The following SDF2 variants were observed in gnomAD, a reference collection of about 807,000 sequenced individuals.
SDF2 encodes stromal cell-derived factor 2.
In SDF2, 12 loss-of-function variants were observed where a neutral mutation model predicts 20.5. The observed-to-expected ratio is 0.58, with a 90% CI of 0.37 to 0.95. The LOEUF is 0.95. Among genes scored for constraint, SDF2 ranks in the 40% least tolerant of loss-of-function variants. The pLI is 0.01. For missense variants in SDF2, 238 were observed against 263.1 expected, an observed-to-expected ratio of 0.90 and a Z score of 0.66; for synonymous variants, 100 against 101.0, an observed-to-expected ratio of 0.99 and a Z score of 0.06.
Position 28,661,722 on chromosome 17 carries a change from T to C in SDF2, c.151+4A>G, listed in dbSNP as rs779000300. The C allele has an allele frequency of 5.0e-6, 8 of 1,611,550 alleles. No homozygotes were observed. Among genetic ancestry groups the C allele is most frequent in the Non-Finnish European group, 6.8e-6 (8 of 1,177,950 alleles). On this transcript the variant is annotated splice_donor_region_variant and intron_variant, in intron 1 of 2. Coordinates refer to ENST00000247020, the MANE Select transcript of SDF2 (RefSeq NM_006923.4). ...GCCCACCCGAGCCCGGTCCCCAGCATTACCTGACCCATAGCGCACGTCGTG... is the reference window on the plus strand; with the variant it reads ...GCCCACCCGAGCCCGGTCCCCAGCACTACCTGACCCATAGCGCACGTCGTG...
chr17:28,656,676 T>A (rs2071966052), intron 1 of SDF2, among the ~76,000 whole-genome samples: 1 of 152,250 alleles, frequency 6.6e-6, no homozygotes, highest in Non-Finnish European at 1.5e-5. Flanking sequence ...CAGAAAATTC[T>A]AAGAATTTGC....
chr17:28,661,083 TAAAA>T (rs11385140), intron 1 of SDF2: 577 of 312,584 alleles, frequency 1.8e-3, no homozygotes, highest in East Asian at 2.4e-3. Context: ...TTTCAAACGC[TAAAA>T]AAAAAAAAAA....
intron 2 of SDF2, among the ~76,000 whole-genome samples, chr17:28,651,852 GATACTGCT>G (rs1188438520): frequency 7.2e-5 from 11 of 152,242 alleles, no homozygotes; most frequent in Admixed American, 2.0e-4. Flanking sequence ...ATGTAATTCT[GATACTGCT>G]ATATTTGTAT....
Position 28,661,737 on chromosome 17 carries a change from C to T in SDF2, c.140G>A (p.Arg47His), listed in dbSNP as rs747402177. The change falls in exon 1 of 3, where the codon CGC (arginine) becomes CAC (histidine). Residue 47 changes from arginine (R) to histidine (H), a missense_variant. Physicochemically the swap from Arg to His is conservative, Grantham distance 29 (BLOSUM62 0). Coordinates refer to ENST00000247020, the MANE Select transcript of SDF2 (RefSeq NM_006923.4). ...GTCCCCAGCATTACCTGACCCATAG[C>T]GCACGTCGTGTGAGTGCAGTCGGAC... ...HNVRLHSHDV[R>H]YGSGSGQQSV... 3 of 1,613,734 alleles carry T rather than the reference C, an allele frequency of 1.9e-6. No homozygotes were observed. Among genetic ancestry groups the T allele is most frequent in the South Asian group, 1.1e-5 (1 of 91,070 alleles).
chr17:28,655,717 C>A lies in SDF2; in HGVS notation c.152-234G>T, dbSNP rs1265172258. 5.1e-6 allele frequency: 3 copies of A among 589,016 alleles called. No individual in the cohort carries two copies. The African/African-American group carries it at 5.6e-5, about 11-fold the overall frequency. 36.5% of individuals were successfully genotyped at this position (589,016 alleles called of 1,614,324 possible). ...CCTGCAAAGCTGCCAAAGCCTTAGA[C>A]AAGGGCCAAGCCCATCTTTGCGTGC... On this transcript the variant is annotated intron_variant, in intron 1 of 2. Coordinates refer to ENST00000247020, the MANE Select transcript of SDF2 (RefSeq NM_006923.4).
At chr17:28,661,484 CAAT>C (rs752280364) in intron 1 of SDF2, among the ~76,000 whole-genome samples, 7 of 152,186 alleles carry the variant, frequency 4.6e-5, no homozygotes, top group African/African-American at 9.7e-5. Flanking sequence ...CACCTTACAA[CAAT>C]GTTAATAATC....
At chr17:28,653,537 G>A (rs867076486) in intron 2 of SDF2, among the ~76,000 whole-genome samples, 1 of 152,230 alleles carries the variant, frequency 6.6e-6, no homozygotes, top group Non-Finnish European at 1.5e-5. Flanking sequence ...AAGGGACCGG[G>A]CACGGAGGCC....
Position 28,648,979 on chromosome 17 carries a change from G to A in SDF2, c.*10C>T. 2 of 1,612,914 alleles carry A rather than the reference G, an allele frequency of 1.2e-6. No individual in the cohort carries two copies. Among genetic ancestry groups the A allele is most frequent in the Non-Finnish European group, 1.7e-6 (2 of 1,179,298 alleles). On this transcript the variant is annotated 3_prime_UTR_variant, in exon 3 of 3. Transcript: ENST00000247020. ...CATTGTGCGTTAACAGTGGCTCAGA[G>A]CCTCTAGATTCACAGCTCTGCATGG...
chr17:28,655,379 TG>T lies in SDF2; in HGVS notation c.255del (p.Ile86SerfsTer9). 1 of 1,614,236 alleles carries T rather than the reference TG, an allele frequency of 6.2e-7. No individual in the cohort carries two copies. The highest frequency in any genetic ancestry group is 8.5e-7 in the Non-Finnish European group (1 of 1,180,036). ...KSATVCERGT[P>X]IKCGQPIRLT... ...AGCCGGATGGGCTGGCCACACTTGA[TG>T]GGGGTTCCCCTCTCACACACTGTGG... On this transcript the variant is annotated frameshift_variant, in exon 2 of 3. Coordinates refer to ENST00000247020, the MANE Select transcript of SDF2 (RefSeq NM_006923.4). LOFTEE classifies it high-confidence loss of function.
At chr17:28,652,536 C>T (rs1452165700) in intron 2 of SDF2, among the ~76,000 whole-genome samples, 1 of 152,188 alleles carries the variant, frequency 6.6e-6, no homozygotes, top group Non-Finnish European at 1.5e-5. Flanking sequence ...TCTCGAACTC[C>T]TGACCTTGTG....
chr17:28,658,604 C>T, intron 1 of SDF2, among the ~76,000 whole-genome samples: 1 of 152,216 alleles, frequency 6.6e-6, no homozygotes, highest in Non-Finnish European at 1.5e-5. Flanking sequence ...CATCCCAAAG[C>T]TGAAGAATTT....
intron 1 of SDF2, among the ~76,000 whole-genome samples, chr17:28,658,711 CCTTTT>C (rs1235166388): frequency 1.3e-5 from 2 of 152,056 alleles, no homozygotes; most frequent in African/African-American, 2.4e-5. Flanking sequence ...CACATTTCCC[CCTTTT>C]CTTTTCGACA....
intron 1 of SDF2, chr17:28,661,060 C>T: frequency 2.6e-6 from 1 of 380,762 alleles, no homozygotes; most frequent in Non-Finnish European, 4.9e-6. Context: ...TAATTTATTA[C>T]TAAACATTTT....
intron 2 of SDF2, among the ~76,000 whole-genome samples, chr17:28,652,404 A>G (rs2071922580): frequency 6.6e-6 from 1 of 151,992 alleles, no homozygotes; most frequent in Non-Finnish European, 1.5e-5. Flanking sequence ...TCCGCCTCCC[A>G]GGTTCAAACG....
intron 1 of SDF2, 149 bp from the exon 2 acceptor site, chr17:28,655,632 T>A: frequency 1.4e-6 from 1 of 706,504 alleles, no homozygotes; most frequent in Non-Finnish European, 2.4e-6. Context: ...TAATGGATAT[T>A]AATACTGCTC....
At chr17:28,655,845 A>G in intron 1 of SDF2, 1 of 262,860 alleles carries the variant, frequency 3.8e-6, no homozygotes, top group Non-Finnish European at 7.5e-6. Context: ...AAGAAACCAG[A>G]GACATGGCTA....
At chr17:28,657,734 A>T (rs1175377230) in intron 1 of SDF2, 2 of 152,020 alleles carry the variant, frequency 1.3e-5, no homozygotes, top group Admixed American at 6.6e-5. Context: ...AAAAAAAAGA[A>T]GCTGGGCACA....
At chr17:28,651,393 G>A (rs1460952806) in intron 2 of SDF2, 1 of 152,184 alleles carries the variant, frequency 6.6e-6, no homozygotes, top group Non-Finnish European at 1.5e-5. Context: ...CTTGTTATTT[G>A]ACTTTAAATA....
chr17:28,660,203 C>G (rs1005387782), intron 1 of SDF2, among the ~76,000 whole-genome samples: 1 of 152,216 alleles, frequency 6.6e-6, no homozygotes, highest in African/African-American at 2.4e-5. Context: ...CACGGCAGTA[C>G]AGTCCAGCCT....
Sources: allele counts gnomAD v4.1 joint callset (sites outside exome capture counted in the v4.1 genomes callset), GRCh38; gene constraint gnomAD v4.1.1; transcripts MANE v1.5; gene names NCBI Gene and HGNC (gene_info 2026-07-23, HGNC 2026-07-21).